Variants in PCDHGA8 observed in about 807,000 individuals in gnomAD.
PCDHGA8 encodes protocadherin gamma-A8.
A neutral mutation model predicts 59.2 loss-of-function variants in PCDHGA8; 45 were observed. The observed-to-expected ratio is 0.76, with a 90% CI of 0.60 to 0.98. PCDHGA8 has a LOEUF of 0.98. Ranked by LOEUF, PCDHGA8 falls within the 50% of genes least tolerant of loss-of-function variation. The pLI is 0.00. For synonymous variants in PCDHGA8, 531 were observed against 519.0 expected, an observed-to-expected ratio of 1.02 and a Z score of -0.32; for missense variants, 1,257 against 1,196.2, an observed-to-expected ratio of 1.05 and a Z score of -0.75.
Position 141,486,178 on chromosome 5 carries a change from C to T in PCDHGA8, c.2425-8629C>T, listed in dbSNP as rs767840363. The T allele has an allele frequency of 1.1e-5, 17 of 1,614,076 alleles. No homozygotes were observed. The highest frequency in any genetic ancestry group is 1.4e-5 in the Non-Finnish European group (16 of 1,180,038). ...CTCCAGCCATGGAGCAACATTGCAG[C>T]CTTCGAGTGGATCTGCTGGACGTAA... On this transcript the variant is annotated intron_variant, in intron 1 of 3. Coordinates refer to ENST00000398604, the MANE Select transcript of PCDHGA8 (RefSeq NM_032088.2). The surrounding 1 kb of genome is among the most constrained non-coding windows in gnomAD (Gnocchi z 5.0).
chr5:141,414,843 G>T (rs2095794241), intron 1 of PCDHGA8: 1 of 1,614,100 alleles, frequency 6.2e-7, no homozygotes, highest in Admixed American at 1.7e-5. Context: ...GCCTGTTTGT[G>T]CTGGACCAGA....
intron 1 of PCDHGA8, among the ~76,000 whole-genome samples, chr5:141,437,829 C>T (rs2097913718): frequency 6.6e-6 from 1 of 151,986 alleles, no homozygotes; most frequent in Admixed American, 6.6e-5. Flanking sequence ...CCTCTGCCTC[C>T]TGGGTTCATG....
chr5:141,456,390 T>G (rs1007800936), intron 1 of PCDHGA8, among the ~76,000 whole-genome samples: 2 of 152,114 alleles, frequency 1.3e-5, no homozygotes, highest in African/African-American at 4.8e-5. Context: ...CGTTTGGAGT[T>G]TGATTGCTTC....
intron 1 of PCDHGA8, chr5:141,408,696 A>G (rs768439069): frequency 6.2e-7 from 1 of 1,613,648 alleles, no homozygotes; most frequent in East Asian, 2.2e-5. Context: ...ATAAACATAA[A>G]CTCAATTAAA....
Position 141,487,632 on chromosome 5 carries a change from C to G in PCDHGA8, c.2425-7175C>G, listed in dbSNP as rs374506603. The G allele has an allele frequency of 6.2e-7, 1 of 1,614,186 alleles. No homozygotes were observed. Among genetic ancestry groups the G allele is most frequent in the East Asian group, 2.2e-5 (1 of 44,888 alleles). On this transcript the variant is annotated intron_variant, in intron 1 of 3. Coordinates refer to ENST00000398604, the MANE Select transcript of PCDHGA8 (RefSeq NM_032088.2). The surrounding 1 kb of genome is among the most constrained non-coding windows in gnomAD (Gnocchi z 5.0). ...GGGCTAGAGGTGAGACCTTTGCAGG[C>G]TCAACAAATGCTTGAGGGTTATTCT... is the stretch of plus-strand genomic sequence containing the variant.
intron 1 of PCDHGA8, chr5:141,399,788 A>T: frequency 6.2e-7 from 1 of 1,613,174 alleles, no homozygotes; most frequent in South Asian, 1.1e-5. Context: ...CGAAACGACA[A>T]CGCACCGCGG....
rs372245447 is a variant in PCDHGA8, at chr5:141,489,609, C to T, written c.2425-5198C>T. ...AGCTAATCCGTGTAGAGGTAGAGAT[C>T]CTGGATCTCAATGACAACTCTCCTA... On this transcript the variant is annotated intron_variant, in intron 1 of 3. Coordinates refer to ENST00000398604, the MANE Select transcript of PCDHGA8 (RefSeq NM_032088.2). This position sits in a 1 kb window ranked among gnomAD's most constrained non-coding sequence, Gnocchi z 4.5. The T allele has an allele frequency of 1.9e-6, 3 of 1,613,934 alleles. No homozygotes were observed. The African/African-American group carries it at 4.0e-5, about 22-fold the overall frequency.
At chr5:141,481,193 A>AT (rs1437708630) in intron 1 of PCDHGA8, among the ~76,000 whole-genome samples, 4 of 152,216 alleles carry the variant, frequency 2.6e-5, no homozygotes, top group African/African-American at 7.2e-5. Context: ...GCCAGGCCCA[A>AT]TTTTTTTAAA....
chr5:141,418,754 G>A (rs748707880), intron 1 of PCDHGA8: 1 of 1,613,926 alleles, frequency 6.2e-7, no homozygotes, highest in South Asian at 1.1e-5. Context: ...TTACACTACA[G>A]GAAACATTCT....
chr5:141,393,259 G>GAGCACGTT lies in PCDHGA8; in HGVS notation c.448_455dup (p.Tyr152Ter), dbSNP rs1561641390. On this transcript the variant is annotated frameshift_variant, in exon 1 of 4. Transcript: ENST00000398604. LOFTEE classifies it high-confidence loss of function. ...AAAATTAACGAAATCGCGGTTCCTG[G>GAGCACGTT]AGCACGTTATCCACTCCCAGAAGCT... The GAGCACGTT allele has an allele frequency of 1.2e-6, 2 of 1,613,874 alleles. No homozygotes were observed. Among genetic ancestry groups the GAGCACGTT allele is most frequent in the Non-Finnish European group, 1.7e-6 (2 of 1,179,902 alleles).
At chr5:141,395,522 A>T in intron 1 of PCDHGA8, 1 of 398,214 alleles carries the variant, frequency 2.5e-6, no homozygotes. Flanking sequence ...ACCCGTCCAT[A>T]CTGGTAATTT....
In PCDHGA8 at chr5:141,426,319, C is replaced by A. The variant is rs572457971; in HGVS notation, c.2424+31082C>A. On this transcript the variant is annotated intron_variant, in intron 1 of 3. Coordinates refer to ENST00000398604, the MANE Select transcript of PCDHGA8 (RefSeq NM_032088.2). ...CAGGGTGAAGCAGAGAAGCAGGACC[C>A]GGCAGTGGCAAGCACTCTTCCCTTT... 9 of 175,482 alleles carry A rather than the reference C, an allele frequency of 5.1e-5. No homozygotes were observed. In the East Asian group the frequency reaches 6.8e-4, roughly 13 times the overall value. The allele number at this position is 175,482 out of a possible 1,614,324, so 10.9% of individuals were successfully genotyped here.
At chr5:141,454,997 A>G (rs2098809547) in intron 1 of PCDHGA8, among the ~76,000 whole-genome samples, 2 of 151,192 alleles carry the variant, frequency 1.3e-5, no homozygotes, top group Admixed American at 6.6e-5. Flanking sequence ...TATTTTTAGT[A>G]GAGACGGGGT....
rs753202774 is a variant in PCDHGA8, at chr5:141,487,875, C to A, written c.2425-6932C>A. 33 of 828,628 alleles carry A rather than the reference C, an allele frequency of 4.0e-5. No individual in the cohort carries two copies. Among genetic ancestry groups the A allele is most frequent in the Non-Finnish European group, 5.8e-5 (31 of 536,030 alleles). The allele number at this position is 828,628 out of a possible 1,614,324, so 51.3% of individuals were successfully genotyped here. A position where few individuals can be genotyped will look rare whatever the true frequency, so the allele number is the denominator to read the frequency against. The stretch of plus-strand genomic sequence containing the variant: ...AAGTAATTGGTGATCAAGAGCCAGG[C>A]TGTTGTGGAAGCATGATGATGGAAT... On this transcript the variant is annotated intron_variant, in intron 1 of 3. Coordinates refer to ENST00000398604, the MANE Select transcript of PCDHGA8 (RefSeq NM_032088.2). The surrounding 1 kb of genome is among the most constrained non-coding windows in gnomAD (Gnocchi z 5.0).
chr5:141,445,035 T>C (rs1438748354), intron 1 of PCDHGA8, among the ~76,000 whole-genome samples: 1 of 152,208 alleles, frequency 6.6e-6, no homozygotes, highest in Admixed American at 6.5e-5. Flanking sequence ...CTATGTTGTA[T>C]AGTTTTCAGT....
At chr5:141,478,584 T>G in intron 1 of PCDHGA8, 1 of 1,577,982 alleles carries the variant, frequency 6.3e-7, no homozygotes, top group Non-Finnish European at 8.6e-7. Flanking sequence ...CTGTTAGTGC[T>G]TTTTTATTCC....
At chr5:141,421,241 T>C in intron 1 of PCDHGA8, 1 of 1,600,982 alleles carries the variant, frequency 6.2e-7, no homozygotes, top group Non-Finnish European at 8.5e-7. Flanking sequence ...GCGAATCGGC[T>C]ACAGCGCGGG....
intron 2 of PCDHGA8, among the ~76,000 whole-genome samples, chr5:141,500,184 T>TTTTATTTATTTATTTA (rs58019021): frequency 1.5e-5 from 2 of 135,886 alleles, no homozygotes; most frequent in African/African-American, 5.4e-5. Flanking sequence ...TCATTTTTAT[T>TTTTATTTATTTATTTA]TTTATTTATT....
chr5:141,487,905 G>C lies in PCDHGA8; in HGVS notation c.2425-6902G>C. The C allele has an allele frequency of 1.5e-6, 1 of 686,388 alleles. No individual in the cohort carries two copies. 42.5% of individuals were successfully genotyped at this position (686,388 alleles called of 1,614,324 possible). On this transcript the variant is annotated intron_variant, in intron 1 of 3. Transcript: ENST00000398604. This position sits in a 1 kb window ranked among gnomAD's most constrained non-coding sequence, Gnocchi z 5.0. ...GTGGAAGCATGATGATGGAATGTGG[G>C]AGCACAGGAGGCTACAGTGCACAGG...
Sources: allele counts gnomAD v4.1 joint callset (sites outside exome capture counted in the v4.1 genomes callset), GRCh38; gene constraint gnomAD v4.1.1; non-coding constraint Gnocchi (gnomAD v3.1); transcripts MANE v1.5; gene names NCBI Gene and HGNC (gene_info 2026-07-23, HGNC 2026-07-21).